SCD5: variants seen among roughly 807,000 people sequenced by gnomAD.
SCD5 encodes the protein acyl-CoA-desaturase 4.
Under a neutral mutation model 30.4 loss-of-function variants are expected in SCD5, and 20 were observed. That is an observed-to-expected ratio of 0.66 (90% CI 0.46 to 0.96). The LOEUF (loss-of-function observed/expected upper bound fraction) is 0.96. Ranked by LOEUF, SCD5 falls within the 40% of genes least tolerant of loss-of-function variation. The pLI, the probability that SCD5 is intolerant of heterozygous loss-of-function variation, is 0.00. For synonymous variants in SCD5, 173 were observed against 176.4 expected, an observed-to-expected ratio of 0.98 and a Z score of 0.16; for missense variants, 381 against 443.3, an observed-to-expected ratio of 0.86 and a Z score of 1.26.
At chr4:82,796,699 G>A (rs1722228175) in intron 1 of SCD5, among the ~76,000 whole-genome samples, 1 of 152,120 alleles carries the variant, frequency 6.6e-6, no homozygotes, top group Admixed American at 6.5e-5. Flanking sequence ...ATCCCCTAGA[G>A]GTCACCAGGC....
At chr4:82,730,765 T>C (rs944879444) in intron 1 of SCD5, among the ~76,000 whole-genome samples, 14 of 151,996 alleles carry the variant, frequency 9.2e-5, no homozygotes, top group Non-Finnish European at 1.6e-4. Context: ...TTTTGTATTT[T>C]AGTAGAGACG....
intron 3 of SCD5, among the ~76,000 whole-genome samples, chr4:82,646,069 G>A (rs1727629218): frequency 6.6e-6 from 1 of 152,182 alleles, no homozygotes; most frequent in Non-Finnish European, 1.5e-5. Context: ...GGGCCAGCCT[G>A]AGGAAATGTG....
At chr4:82,754,926 G>C (rs911354342) in intron 1 of SCD5, among the ~76,000 whole-genome samples, 4 of 152,178 alleles carry the variant, frequency 2.6e-5, no homozygotes, top group Non-Finnish European at 5.9e-5. Flanking sequence ...TTCACTCAGA[G>C]GAACAGAAGC....
intron 2 of SCD5, among the ~76,000 whole-genome samples, chr4:82,694,315 T>C (rs774390509): frequency 2.0e-5 from 3 of 152,222 alleles, no homozygotes; most frequent in Admixed American, 6.5e-5. Flanking sequence ...ACAGGCATCA[T>C]GTTCCCTTCT....
rs112999525 is a variant in SCD5 at position 82,789,781 on chromosome 4, G to A, written c.232+8525C>T. 4.9e-3 allele frequency among the ~76,000 whole-genome samples: 746 copies of A among 152,226 alleles called. 12 individuals are homozygous for A. Among genetic ancestry groups the A allele is most frequent in the African/African-American group, 0.017 (708 of 41,514 alleles). ...ATCTTCCCTGGAATGTGGGCTCGTG[G>A]GAATCAGCTGCTAAAGAAAGAATGA... is the stretch of plus-strand genomic sequence containing the variant. On this transcript the variant is annotated intron_variant, in intron 1 of 4. Coordinates refer to ENST00000319540, the MANE Select transcript of SCD5 (RefSeq NM_001037582.3).
chr4:82,684,046 T>C (rs1728642674), intron 2 of SCD5, among the ~76,000 whole-genome samples: 1 of 152,226 alleles, frequency 6.6e-6, no homozygotes, highest in Non-Finnish European at 1.5e-5. Context: ...TTCAAATAGC[T>C]AGAAACATTA....
At chr4:82,797,714 G>C (rs1239118746) in intron 1 of SCD5, among the ~76,000 whole-genome samples, 3 of 152,054 alleles carry the variant, frequency 2.0e-5, no homozygotes, top group Admixed American at 6.5e-5. Flanking sequence ...GATTGCGGAG[G>C]GGGCAGGGAC....
intron 3 of SCD5, among the ~76,000 whole-genome samples, chr4:82,655,135 T>C (rs113796347): frequency 1.7e-3 from 255 of 152,292 alleles, no homozygotes; most frequent in African/African-American, 5.3e-3. Flanking sequence ...GTCACTTTCG[T>C]ATACAAATTT....
At chr4:82,646,639 C>T (rs936983214) in intron 3 of SCD5, among the ~76,000 whole-genome samples, 5 of 152,116 alleles carry the variant, frequency 3.3e-5, no homozygotes, top group Non-Finnish European at 5.9e-5. Flanking sequence ...CTCCCCTGTG[C>T]TACTCCATGA....
intron 1 of SCD5, among the ~76,000 whole-genome samples, chr4:82,730,653 T>A (rs1249986157): frequency 6.7e-6 from 1 of 148,416 alleles, no homozygotes; most frequent in Admixed American, 6.8e-5. Context: ...TGGCGGGATC[T>A]TGGCTCACTG....
At chr4:82,759,391 G>A (rs1231522875) in intron 1 of SCD5, among the ~76,000 whole-genome samples, 2 of 152,058 alleles carry the variant, frequency 1.3e-5, no homozygotes, top group Non-Finnish European at 2.9e-5. Context: ...CTTCACAAGC[G>A]GCCCTCCGTA....
chr4:82,797,275 G>C (rs1035834085), intron 1 of SCD5, among the ~76,000 whole-genome samples: 1 of 152,234 alleles, frequency 6.6e-6, no homozygotes, highest in African/African-American at 2.4e-5. Flanking sequence ...TCAGGGAAAC[G>C]GGAGCTGGAA....
At chr4:82,641,285 G>T (rs1727538543) in intron 3 of SCD5, among the ~76,000 whole-genome samples, 1 of 145,736 alleles carries the variant, frequency 6.9e-6, no homozygotes, top group African/African-American at 2.5e-5. Flanking sequence ...AAAAAAAGAA[G>T]GTGAATAAAA....
chr4:82,707,566 T>C (rs962391020), intron 1 of SCD5, among the ~76,000 whole-genome samples: 3 of 152,220 alleles, frequency 2.0e-5, no homozygotes, highest in African/African-American at 4.8e-5. Context: ...ATGATTAGTT[T>C]ACAAAAGATT....
At chr4:82,766,362 G>A (rs906217898) in intron 1 of SCD5, among the ~76,000 whole-genome samples, 27 of 152,062 alleles carry the variant, frequency 1.8e-4, no homozygotes, top group African/African-American at 6.3e-4. Flanking sequence ...TTTTTTTGCA[G>A]TGTGTAAATA....
At chr4:82,706,222 T>C (rs558194481) in intron 1 of SCD5, among the ~76,000 whole-genome samples, 5 of 152,276 alleles carry the variant, frequency 3.3e-5, no homozygotes, top group African/African-American at 1.2e-4. Flanking sequence ...TAGCAAGTAG[T>C]CAGGGAACAA....
At chr4:82,765,125 G>A (rs2148846988) in intron 1 of SCD5, among the ~76,000 whole-genome samples, 1 of 152,234 alleles carries the variant, frequency 6.6e-6, no homozygotes, top group African/African-American at 2.4e-5. Flanking sequence ...TTTCCAGTTG[G>A]TAGATTTTTC....
intron 3 of SCD5, among the ~76,000 whole-genome samples, chr4:82,670,912 G>T (rs1728306568): frequency 6.6e-6 from 1 of 151,906 alleles, no homozygotes; most frequent in Non-Finnish European, 1.5e-5. Flanking sequence ...ACCATCAATG[G>T]TCTAAATGCA....
intron 3 of SCD5, among the ~76,000 whole-genome samples, chr4:82,663,224 T>C (rs1363931175): frequency 6.6e-6 from 1 of 152,212 alleles, no homozygotes; most frequent in Non-Finnish European, 1.5e-5. Context: ...ATGGCTTCAC[T>C]TTTGTCAAAG....
Sources: gnomAD v4.1 joint callset for allele counts (sites outside exome capture counted in the v4.1 genomes callset) on GRCh38, gnomAD v4.1.1 for gene constraint, MANE v1.5 for transcripts, NCBI Gene and HGNC (gene_info 2026-07-23, HGNC 2026-07-21) for gene names.